The following ARHGEF10 variants were observed in gnomAD, a reference collection of about 807,000 sequenced individuals.
The protein encoded by ARHGEF10 is Rho guanine nucleotide exchange factor 10.
A neutral mutation model predicts 147.4 loss-of-function variants in ARHGEF10; 140 were observed. The ratio of observed to expected loss-of-function variants is 0.95; its 90% confidence interval spans 0.83 to 1.09. The LOEUF (loss-of-function observed/expected upper bound fraction) is 1.09, where lower values mean the gene tolerates loss of function less well. Ranked by LOEUF, ARHGEF10 falls within the 50% of genes least tolerant of loss-of-function variation. The pLI is 0.00. For synonymous variants in ARHGEF10, 902 were observed against 695.8 expected, an observed-to-expected ratio of 1.30 and a Z score of -4.67; for missense variants, 2,222 against 1,752.7, an observed-to-expected ratio of 1.27 and a Z score of -4.78.
At chr8:1,863,035 A>T (rs7822854) in intron 4 of ARHGEF10, among the ~76,000 whole-genome samples, 1 of 151,806 alleles carries the variant, frequency 6.6e-6, no homozygotes, top group East Asian at 1.9e-4. Context: ...CGCCCGCCTC[A>T]GCCTCCGAAA....
chr8:1,904,958 T>G (rs1810765244), intron 16 of ARHGEF10, among the ~76,000 whole-genome samples: 1 of 152,120 alleles, frequency 6.6e-6, no homozygotes, highest in Admixed American at 6.5e-5. Flanking sequence ...CCGTCTCTAC[T>G]AAAAATACAA....
chr8:1,866,404 CAT>C (rs376913717), intron 5 of ARHGEF10, 120 bp from the exon 6 acceptor site: 16,366 of 573,166 alleles, frequency 0.029, 424 homozygotes, highest in East Asian at 0.19. Flanking sequence ...TGTATAGTAA[CAT>C]ATATATATAT....
chr8:1,824,637 TCCCCGCACCCCAGCTGTCC>T lies in ARHGEF10; in HGVS notation c.-48+537_-48+555del, dbSNP rs1307442021. 4.7e-5 allele frequency among the ~76,000 whole-genome samples: 5 copies of T among 106,430 alleles called. No individual in the cohort carries two copies. The Admixed American group carries it at 5.2e-4, about 11-fold the overall frequency. The allele number at this position is 106,430 out of a possible 152,430, so 69.8% of individuals were successfully genotyped here. A position where few individuals can be genotyped will look rare whatever the true frequency, so the allele number is the denominator to read the frequency against. On this transcript the variant is annotated intron_variant, in intron 1 of 28. Transcript: ENST00000349830. The stretch of plus-strand genomic sequence containing the variant: ...CCTGTTCACTCTGCACTCCACCAGT[TCCCCGCACCCCAGCTGTCC>T]CCCCGCACCCCACCTGTTTACCCTG...
rs1282229683 is a variant in ARHGEF10 at position 1,957,529 on chromosome 8, T to C, written c.*266T>C. On this transcript the variant is annotated 3_prime_UTR_variant, in exon 29 of 29. Coordinates refer to ENST00000349830, the MANE Select transcript of ARHGEF10 (RefSeq NM_014629.4). Reference sequence around the variant, plus strand: ...GTAATTGAGTGCAGTTCTGGGAAAATACCACATTCTTTTTGACTGCTGTAG... The same window carrying C: ...GTAATTGAGTGCAGTTCTGGGAAAACACCACATTCTTTTTGACTGCTGTAG... 1.8e-6 allele frequency: 1 copy of C among 570,460 alleles called. No homozygotes were observed. Among genetic ancestry groups the C allele is most frequent in the Non-Finnish European group, 3.1e-6 (1 of 321,828 alleles). 35.3% of individuals were successfully genotyped at this position (570,460 alleles called of 1,614,324 possible).
intron 2 of ARHGEF10, among the ~76,000 whole-genome samples, chr8:1,844,246 C>T (rs963907877): frequency 8.5e-5 from 13 of 152,100 alleles, no homozygotes; most frequent in Non-Finnish European, 1.9e-4. Flanking sequence ...TCTGTGCCCC[C>T]CAACTACGTG....
chr8:1,841,982 G>GGGAACTGGGGCCGCGACC lies in ARHGEF10; in HGVS notation c.-47-1356_-47-1355insACCGGAACTGGGGCCGCG, dbSNP rs1563161946. 3.1e-4 allele frequency among the ~76,000 whole-genome samples: 14 copies of GGGAACTGGGGCCGCGACC among 45,800 alleles called. 2 individuals are homozygous for GGGAACTGGGGCCGCGACC. The highest frequency in any genetic ancestry group is 1.0e-3 in the African/African-American group (13 of 12,610). The allele number at this position is 45,800 out of a possible 152,430, so 30.0% of individuals were successfully genotyped here. On this transcript the variant is annotated intron_variant, in intron 1 of 28. Transcript: ENST00000349830. Reference sequence around the variant, plus strand: ...CCGCGACCGGAACTGGGGCCGCGGCGGGAACTGGGGCCGCGGCGGGAACTG... The same window carrying GGGAACTGGGGCCGCGACC: ...CCGCGACCGGAACTGGGGCCGCGGCGGGAACTGGGGCCGCGACCGGAACTGGGGCCGCGGCGGGAACTG...
At chr8:1,920,050 CCGTGGG>C (rs1424224962) in intron 18 of ARHGEF10, among the ~76,000 whole-genome samples, 3 of 149,892 alleles carry the variant, frequency 2.0e-5, no homozygotes, top group Non-Finnish European at 3.0e-5. Flanking sequence ...TGGAGCTGTT[CCGTGGG>C]TGATGGAGCT....
At chr8:1,945,293 A>G (rs1814475713) in intron 26 of ARHGEF10, among the ~76,000 whole-genome samples, 188 bp from the exon 27 acceptor site, 1 of 152,192 alleles carries the variant, frequency 6.6e-6, no homozygotes, top group Non-Finnish European at 1.5e-5. Flanking sequence ...AGGAGCCAGG[A>G]TGATTGGAAA....
At chr8:1,862,625 G>T (rs1806224863) in intron 4 of ARHGEF10, among the ~76,000 whole-genome samples, 1 of 152,216 alleles carries the variant, frequency 6.6e-6, no homozygotes, top group Non-Finnish European at 1.5e-5. Flanking sequence ...GGGGATGGGA[G>T]TCTGTGCTCC....
At chr8:1,856,638 A>C (rs1015028742) in intron 2 of ARHGEF10, among the ~76,000 whole-genome samples, 1 of 152,172 alleles carries the variant, frequency 6.6e-6, no homozygotes, top group African/African-American at 2.4e-5. Context: ...GTTGCTCCCT[A>C]GCAGGGCTCC....
intron 7 of ARHGEF10, among the ~76,000 whole-genome samples, chr8:1,873,471 T>A (rs71518097): frequency 8.7e-6 from 1 of 114,784 alleles, no homozygotes; most frequent in Non-Finnish European, 2.0e-5. Context: ...CTCGTTGCGT[T>A]GAGAGGCGCC....
chr8:1,947,621 C>T (rs1814695888), intron 27 of ARHGEF10, among the ~76,000 whole-genome samples: 1 of 151,044 alleles, frequency 6.6e-6, no homozygotes, highest in African/African-American at 2.4e-5. Context: ...CAGCCCCGCC[C>T]CCATCCCAGC....
At chr8:1,873,919 C>T (rs1474824751) in intron 7 of ARHGEF10, among the ~76,000 whole-genome samples, 3 of 151,994 alleles carry the variant, frequency 2.0e-5, no homozygotes, top group Non-Finnish European at 4.4e-5. Context: ...CAGTTCAGCA[C>T]GTAGGACTGA....
chr8:1,928,708 G>A (rs1585573949), intron 24 of ARHGEF10, 58 bp downstream of exon 24: 1 of 1,582,028 alleles, frequency 6.3e-7, no homozygotes, highest in East Asian at 2.2e-5. Flanking sequence ...GGAGGGCGTG[G>A]TGGGGAGCCT....
intron 18 of ARHGEF10, among the ~76,000 whole-genome samples, chr8:1,917,481 C>T (rs146959396): frequency 2.1e-3 from 315 of 152,276 alleles, no homozygotes; most frequent in African/African-American, 6.5e-3. Flanking sequence ...CTTTTCCAGC[C>T]GTCCTTGCTA....
At chr8:1,896,198 A>G (rs1423977400) in intron 13 of ARHGEF10, 135 bp from the exon 14 acceptor site, 5 of 822,410 alleles carry the variant, frequency 6.1e-6, no homozygotes, top group East Asian at 2.4e-5. Context: ...CACAGTCATA[A>G]TAAAGTTTAT....
chr8:1,904,710 T>C (rs1299142219), intron 16 of ARHGEF10, among the ~76,000 whole-genome samples: 2 of 152,052 alleles, frequency 1.3e-5, no homozygotes, highest in Non-Finnish European at 2.9e-5. Flanking sequence ...GGCAGGGACA[T>C]TCAGGGAGGC....
intron 2 of ARHGEF10, among the ~76,000 whole-genome samples, chr8:1,853,562 G>T (rs985875993): frequency 6.6e-5 from 10 of 152,280 alleles, no homozygotes; most frequent in African/African-American, 2.4e-4. Context: ...GTTTTGAGAA[G>T]CGGGAATTCC....
intron 27 of ARHGEF10, among the ~76,000 whole-genome samples, chr8:1,947,781 G>T (rs1563328170): frequency 7.4e-6 from 1 of 134,920 alleles, no homozygotes; most frequent in Non-Finnish European, 1.6e-5. Context: ...GCTGTCAGCT[G>T]CCTCTCCCGC....
Sources: allele counts gnomAD v4.1 joint callset (sites outside exome capture counted in the v4.1 genomes callset), GRCh38; gene constraint gnomAD v4.1.1; transcripts MANE v1.5; gene names NCBI Gene and HGNC (gene_info 2026-07-23, HGNC 2026-07-21).